The following TCF12 variants were observed in gnomAD, a reference collection of about 807,000 sequenced individuals.
The protein encoded by TCF12 is DNA-binding protein HTF4.
Under a neutral mutation model 86.0 loss-of-function variants are expected in TCF12, and 45 were observed. The ratio of observed to expected loss-of-function variants is 0.52; its 90% CI spans 0.41 to 0.67. The LOEUF is 0.67. TCF12 is among the 30% of genes least tolerant of loss of function. The pLI is 0.00. For missense variants in TCF12, 881 were observed against 859.9 expected (o/e 1.02, Z -0.31); for synonymous variants, 330 against 299.6 (o/e 1.10, Z -1.05).
At chr15:57,163,151 G>A (rs2151520935) in intron 5 of TCF12, among the ~76,000 whole-genome samples, 1 of 151,862 alleles carries the variant, frequency 6.6e-6, no homozygotes, top group South Asian at 2.1e-4. Flanking sequence ...TCCAGCCTGG[G>A]TGACAGAGTG....
In TCF12 at chr15:57,147,325, C is replaced by T. The variant is rs191976438; in HGVS notation, c.326-19077C>T. ...TAACATCAGTGTAATAGTTATCTAA[C>T]CCTTTAGAGCTATCTTTATATTTAT... On this transcript the variant is annotated intron_variant, in intron 5 of 20. Coordinates refer to ENST00000333725, the MANE Select transcript of TCF12 (RefSeq NM_207037.2). Among the ~76,000 whole-genome samples the T allele has an allele frequency of 9.9e-4, 151 of 152,258 alleles. 1 individual carries two copies. Among genetic ancestry groups the T allele is most frequent in the African/African-American group, 3.3e-3 (138 of 41,560 alleles).
chr15:57,052,319 G>A (rs2067687361), intron 3 of TCF12, among the ~76,000 whole-genome samples: 1 of 152,024 alleles, frequency 6.6e-6, no homozygotes, highest in South Asian at 2.1e-4. Flanking sequence ...CTTTACCAGG[G>A]AGATTGGGAG....
intron 5 of TCF12, among the ~76,000 whole-genome samples, chr15:57,095,645 C>T (rs998937999): frequency 6.6e-6 from 1 of 152,026 alleles, no homozygotes; most frequent in East Asian, 1.9e-4. Context: ...ACTATTTTGC[C>T]TCTAGAGATG....
intron 3 of TCF12, among the ~76,000 whole-genome samples, chr15:56,992,446 C>A (rs189065363): frequency 6.6e-6 from 1 of 152,288 alleles, no homozygotes; most frequent in Admixed American, 6.5e-5. Flanking sequence ...AAGGGTCATT[C>A]TTCTGAAATA....
Position 57,027,545 on chromosome 15 carries a change from T to C in TCF12, c.149-36205T>C, listed in dbSNP as rs1225322630. ...AAATTCTCTATAAGGTTTTTTATGG[T>C]CATTTTTTTTTCTTGGATACATACT... On this transcript the variant is annotated intron_variant, in intron 3 of 20. Transcript: ENST00000333725. Among the ~76,000 whole-genome samples the C allele has an allele frequency of 5.9e-5, 9 of 152,246 alleles. 1 individual carries two copies. The highest frequency in any genetic ancestry group is 5.9e-4 in the Admixed American group (9 of 15,282).
At chr15:56,999,169 GC>G (rs2063879528) in intron 3 of TCF12, among the ~76,000 whole-genome samples, 1 of 151,520 alleles carries the variant, frequency 6.6e-6, no homozygotes, top group South Asian at 2.1e-4. Flanking sequence ...CTGCACTCCA[GC>G]CTGGGTGACA....
intron 3 of TCF12, among the ~76,000 whole-genome samples, chr15:57,042,619 GC>G (rs1406222482): frequency 6.6e-6 from 1 of 152,068 alleles, no homozygotes; most frequent in African/African-American, 2.4e-5. Flanking sequence ...GCACTGTGTT[GC>G]CCAAGCTGGT....
chr15:57,210,815 C>T (rs191881580), intron 8 of TCF12, among the ~76,000 whole-genome samples: 134 of 152,318 alleles, frequency 8.8e-4, no homozygotes, highest in African/African-American at 3.1e-3. Context: ...ATCCTGTAAA[C>T]TTTCCAACCT....
chr15:57,239,670 A>ATG (rs1166871374), intron 12 of TCF12, among the ~76,000 whole-genome samples: 1 of 152,162 alleles, frequency 6.6e-6, no homozygotes, highest in East Asian at 1.9e-4. Context: ...TGATTATGAC[A>ATG]TGTGCCTGTC....
chr15:57,149,695 A>T (rs1459694980), intron 5 of TCF12, among the ~76,000 whole-genome samples: 2 of 152,170 alleles, frequency 1.3e-5, no homozygotes, highest in Non-Finnish European at 2.9e-5. Context: ...AACTTAGGCT[A>T]CTCCAAAAAG....
chr15:57,120,352 G>T (rs1041376329), intron 5 of TCF12, among the ~76,000 whole-genome samples: 1 of 152,158 alleles, frequency 6.6e-6, no homozygotes, highest in Non-Finnish European at 1.5e-5. Flanking sequence ...TTTTAGGTTG[G>T]AGTTTTCTTG....
At position 57,192,211 on chromosome 15, in the gene TCF12, T is replaced by G. The variant is rs373658411; in HGVS notation, c.444T>G (p.Ser148=). 6.2e-7 allele frequency: 1 copy of G among 1,614,090 alleles called. No individual in the cohort carries two copies. The highest frequency in any genetic ancestry group is 8.5e-7 in the Non-Finnish European group (1 of 1,179,970). Residue 148 remains serine (S), a synonymous_variant, in exon 7 of 21, where the codon TCT becomes TCG. Coordinates refer to ENST00000333725, the MANE Select transcript of TCF12 (RefSeq NM_207037.2). The stretch of plus-strand genomic sequence containing the variant: ...TTGGGAGCCCAGCACAGCTATCTTC[T>G]TCAGGAAAACCTGGGACAGCATACT... ...LGLGSPAQLS[S]SGKPGTAYYS...
intron 5 of TCF12, among the ~76,000 whole-genome samples, chr15:57,096,030 T>G (rs925888863): frequency 6.6e-6 from 1 of 152,300 alleles, no homozygotes; most frequent in East Asian, 1.9e-4. Flanking sequence ...GAATGCTGTT[T>G]CCATTAGGCC....
At position 57,232,524 on chromosome 15, in the gene TCF12, C is replaced by G. The variant is rs2059183656; in HGVS notation, c.825+94C>G. 29 of 1,506,554 alleles carry G rather than the reference C, an allele frequency of 1.9e-5. No homozygotes were observed. In the South Asian group the frequency reaches 3.6e-4, roughly 18 times the overall value. 93.3% of individuals were successfully genotyped at this position (1,506,554 alleles called of 1,614,324 possible). A position where few individuals can be genotyped will look rare whatever the true frequency, so the allele number is the denominator to read the frequency against. On this transcript the variant is annotated intron_variant, in intron 10 of 20. Transcript: ENST00000333725. The stretch of plus-strand genomic sequence containing the variant: ...AGTGTAAAATCTAAGTCTGCCAAAA[C>G]TTCTGAAGTTTGAAGTACTTCAAGG...
At chr15:57,217,097 C>T (rs16977313) in intron 8 of TCF12, among the ~76,000 whole-genome samples, 2,130 of 152,032 alleles carry the variant, frequency 0.014, 55 homozygotes, top group African/African-American at 0.045. Context: ...CTTACCTACA[C>T]ATGTACGAGT....
At chr15:56,961,009 G>A (rs907408683) in intron 3 of TCF12, among the ~76,000 whole-genome samples, 6 of 151,274 alleles carry the variant, frequency 4.0e-5, no homozygotes, top group African/African-American at 4.9e-5. Context: ...GTGTGGTGGC[G>A]GGCACCTGTA....
intron 3 of TCF12, among the ~76,000 whole-genome samples, chr15:57,038,279 A>G (rs1304334117): frequency 6.6e-6 from 1 of 151,792 alleles, no homozygotes; most frequent in African/African-American, 2.4e-5. Flanking sequence ...TAAAAAAAAA[A>G]TTGCTGGACA....
intron 5 of TCF12, among the ~76,000 whole-genome samples, chr15:57,096,357 G>A (rs535541804): frequency 3.3e-5 from 5 of 151,886 alleles, no homozygotes; most frequent in Admixed American, 6.6e-5. Flanking sequence ...TGAGAAACTA[G>A]TTTTCTGTAG....
intron 16 of TCF12, among the ~76,000 whole-genome samples, chr15:57,261,726 T>C (rs1597721263): frequency 1.3e-5 from 2 of 152,174 alleles, no homozygotes; most frequent in East Asian, 1.9e-4. Flanking sequence ...CATACTTTAA[T>C]GTATTTAGGT....
Sources: allele counts gnomAD v4.1 joint callset (sites outside exome capture counted in the v4.1 genomes callset), GRCh38; gene constraint gnomAD v4.1.1; transcripts MANE v1.5; gene names NCBI Gene and HGNC (gene_info 2026-07-23, HGNC 2026-07-21).